The following RYR3 variants were observed in gnomAD, a reference collection of about 807,000 sequenced individuals.
RYR3 encodes ryanodine receptor 3, also known as brain ryanodine receptor-calcium release channel.
RYR3 carries 207 observed loss-of-function variants against 584.3 expected under a neutral mutation model. The observed-to-expected ratio is 0.35, with a 90% CI of 0.32 to 0.40. The LOEUF (loss-of-function observed/expected upper bound fraction) is 0.40. Among genes scored for constraint, RYR3 ranks in the 10% least tolerant of loss-of-function variants. RYR3 has a pLI of 1.00. For missense variants in RYR3, 5,616 were observed against 6,089.2 expected (o/e 0.92, Z 2.59); for synonymous variants, 2,416 against 2,248.5 (o/e 1.07, Z -2.11).
chr15:33,458,088 A>C (rs1207886120), intron 1 of RYR3, among the ~76,000 whole-genome samples: 1 of 152,156 alleles, frequency 6.6e-6, no homozygotes, highest in African/African-American at 2.4e-5. Context: ...AGGGATGCCC[A>C]GATAGCTGGT....
chr15:33,843,184 T>G (rs112841308), intron 91 of RYR3, among the ~76,000 whole-genome samples: 1,847 of 152,098 alleles, frequency 0.012, 17 homozygotes, highest in Middle Eastern at 0.027. Context: ...GCCGGGTGTG[T>G]TGGCGGGCGC....
chr15:33,569,031 T>G (rs1278595025), intron 12 of RYR3, among the ~76,000 whole-genome samples: 1 of 152,252 alleles, frequency 6.6e-6, no homozygotes, highest in Non-Finnish European at 1.5e-5. Flanking sequence ...TGTGTGTGTG[T>G]GTGCGTGTAT....
chr15:33,649,121 T>C lies in RYR3; in HGVS notation c.4028T>C (p.Val1343Ala). Residue 1343 changes from valine (V) to alanine (A), a missense_variant, in exon 31 of 104, where the codon GTC becomes GCC. Coordinates refer to ENST00000634891, the MANE Select transcript of RYR3 (RefSeq NM_001036.6). ...TTTGCTGGACAGGATCCATCCTGTG[T>C]CTGGGTCGGATGGGTGACTCCAGAC... ...RIFAGQDPSCVWVGWVTPDYH... is the reference protein window; with the variant it reads ...RIFAGQDPSCAWVGWVTPDYH... 6.2e-7 allele frequency: 1 copy of C among 1,613,802 alleles called. No homozygotes were observed. Among genetic ancestry groups the C allele is most frequent in the Non-Finnish European group, 8.5e-7 (1 of 1,179,840 alleles).
At chr15:33,365,966 A>G (rs1975437920) in intron 1 of RYR3, among the ~76,000 whole-genome samples, 1 of 152,208 alleles carries the variant, frequency 6.6e-6, no homozygotes, top group African/African-American at 2.4e-5. Context: ...TTTCACATGT[A>G]TATCACCAGT....
At chr15:33,615,395 A>G (rs1332830919) in intron 19 of RYR3, among the ~76,000 whole-genome samples, 1 of 152,234 alleles carries the variant, frequency 6.6e-6, no homozygotes, top group African/African-American at 2.4e-5. Context: ...TGTTTCAATT[A>G]TATAAACTAT....
In RYR3 at chr15:33,533,218, C is replaced by T. The variant is rs568686110; in HGVS notation, c.355-93C>T. 4.7e-5 allele frequency: 37 copies of T among 787,132 alleles called. No individual in the cohort carries two copies. In the African/African-American group the frequency reaches 6.3e-4, roughly 13 times the overall value. 48.8% of individuals were successfully genotyped at this position (787,132 alleles called of 1,614,324 possible). A position where few individuals can be genotyped will look rare whatever the true frequency, so the allele number is the denominator to read the frequency against. On this transcript the variant is annotated intron_variant, in intron 4 of 103. Transcript: ENST00000634891. Reference sequence around the variant, plus strand: ...AAATAGAGCTGTCTTCACAGTAGCTCATTGTTGAACTTAACTAGAAGCTAA... The same window carrying T: ...AAATAGAGCTGTCTTCACAGTAGCTTATTGTTGAACTTAACTAGAAGCTAA...
chr15:33,460,940 CTTTTTTTTTT>C lies in RYR3; in HGVS notation c.52-12466_52-12457del, dbSNP rs66742049. ...GGAATTTGTGGCACATAATATCCAC[CTTTTTTTTTT>C]TTTTTTTTTTTTAAGACGGAGTCTC... On this transcript the variant is annotated intron_variant, in intron 1 of 103. Transcript: ENST00000634891. Among the ~76,000 whole-genome samples, 611 of 79,238 alleles carry C rather than the reference CTTTTTTTTTT, an allele frequency of 7.7e-3. 24 individuals carry two copies. The highest frequency in any genetic ancestry group is 0.033 in the African/African-American group (570 of 17,494). 52.0% of individuals were successfully genotyped at this position (79,238 alleles called of 152,430 possible). A position where few individuals can be genotyped will look rare whatever the true frequency, so the allele number is the denominator to read the frequency against.
At chr15:33,858,771 C>T (rs2080002858) in intron 99 of RYR3, 1 of 152,254 alleles carries the variant, frequency 6.6e-6, no homozygotes, top group South Asian at 2.1e-4. Flanking sequence ...GCAACATCGC[C>T]AGTTTATTTT....
intron 9 of RYR3, among the ~76,000 whole-genome samples, chr15:33,549,853 G>A (rs2056542352): frequency 2.6e-5 from 4 of 152,242 alleles, no homozygotes; most frequent in Admixed American, 1.3e-4. Context: ...ATTGATTTGT[G>A]GTTATTTGCA....
chr15:33,781,175 G>A (rs1261870774), intron 65 of RYR3, among the ~76,000 whole-genome samples: 2 of 152,162 alleles, frequency 1.3e-5, no homozygotes, highest in Admixed American at 6.5e-5. Context: ...CTTGTATCTG[G>A]GTTAATTGTG....
intron 99 of RYR3, 115 bp downstream of exon 99, chr15:33,858,029 A>T: frequency 7.5e-7 from 1 of 1,333,094 alleles, no homozygotes; most frequent in South Asian, 1.4e-5. Flanking sequence ...AGAGTTAGTT[A>T]CAGAGCACAG....
chr15:33,620,331 G>T (rs914966611), intron 19 of RYR3, among the ~76,000 whole-genome samples: 3 of 152,126 alleles, frequency 2.0e-5, no homozygotes, highest in Admixed American at 2.0e-4. Flanking sequence ...CGAAAAGGGA[G>T]AACGCTTCTC....
chr15:33,465,705 T>C, intron 1 of RYR3: 1 of 518,790 alleles, frequency 1.9e-6, no homozygotes, highest in Non-Finnish European at 3.9e-6. Flanking sequence ...AGTTTGGAGG[T>C]GATTACAATA....
At chr15:33,468,499 C>T (rs1321652036) in intron 1 of RYR3, among the ~76,000 whole-genome samples, 1 of 152,128 alleles carries the variant, frequency 6.6e-6, no homozygotes, top group African/African-American at 2.4e-5. Context: ...GCATCTGTTC[C>T]CTTTTTATTC....
intron 34 of RYR3, among the ~76,000 whole-genome samples, chr15:33,661,537 A>C (rs2063162810): frequency 6.6e-6 from 1 of 152,036 alleles, no homozygotes; most frequent in Admixed American, 6.6e-5. Flanking sequence ...TTTTCCACAG[A>C]CAGTGGTGGG....
chr15:33,805,632 C>T lies in RYR3; in HGVS notation c.10012-1923C>T, dbSNP rs557134748. 1.6e-4 allele frequency among the ~76,000 whole-genome samples: 24 copies of T among 152,034 alleles called. No homozygotes were observed. The South Asian group carries it at 3.3e-3, about 21-fold the overall frequency. On this transcript the variant is annotated intron_variant, in intron 69 of 103. Coordinates refer to ENST00000634891, the MANE Select transcript of RYR3 (RefSeq NM_001036.6). ...AGCTGGGACTACAGGTGCCCGCCAC[C>T]ACGCCCGGCTAATTTTTTGTATTTT...
rs1223618859 is a variant in RYR3, at chr15:33,731,498, G to A, written c.7228G>A (p.Ala2410Thr). Residue 2410 changes from alanine (A) to threonine (T), a missense_variant, in exon 48 of 104, where the codon GCG becomes ACG. This residue lies in a region of RYR3 where 1,280 missense variants were observed against 1,426.2 expected (regional missense o/e 0.90). Transcript: ENST00000634891. ...DTVSLSTTEA[A>T]LALNRYICSA... ...GGTTTCCCTAAGCACCACAGAGGCT[G>A]CGCTTGCACTAAATAGGTATATATG... 6.2e-7 allele frequency: 1 copy of A among 1,612,856 alleles called. No homozygotes were observed.
intron 48 of RYR3, among the ~76,000 whole-genome samples, chr15:33,733,694 G>A (rs1858278870): frequency 6.6e-6 from 1 of 152,174 alleles, no homozygotes; most frequent in Non-Finnish European, 1.5e-5. Context: ...CCAATAGAAT[G>A]TACAACACCA....
chr15:33,625,998 G>A (rs1009288662), intron 20 of RYR3, among the ~76,000 whole-genome samples: 25 of 152,310 alleles, frequency 1.6e-4, no homozygotes, highest in African/African-American at 5.8e-4. Context: ...TAGACAAGAA[G>A]CTTGAAGGCC....
Sources: allele counts gnomAD v4.1 joint callset (sites outside exome capture counted in the v4.1 genomes callset), GRCh38; gene constraint gnomAD v4.1.1; regional missense constraint gnomAD v4.1.1; transcripts MANE v1.5; gene names NCBI Gene and HGNC (gene_info 2026-07-23, HGNC 2026-07-21).